Variants in GRM7 observed in about 807,000 individuals in gnomAD.
GRM7 encodes metabotropic glutamate receptor 7.
In GRM7, 35 loss-of-function variants were observed where a neutral mutation model predicts 84.5. The ratio of observed to expected loss-of-function variants is 0.41; its 90% CI spans 0.32 to 0.55. The LOEUF is 0.55. Ranked by LOEUF, GRM7 falls within the 20% of genes least tolerant of loss-of-function variation. The pLI is 0.19. For missense variants in GRM7, 1,003 were observed against 1,194.6 expected, an observed-to-expected ratio of 0.84 and a Z score of 2.36; for synonymous variants, 487 against 455.1, an observed-to-expected ratio of 1.07 and a Z score of -0.89.
At chr3:7,628,551 T>C (rs1697724823) in intron 8 of GRM7, among the ~76,000 whole-genome samples, 1 of 152,200 alleles carries the variant, frequency 6.6e-6, no homozygotes, top group Non-Finnish European at 1.5e-5. Context: ...GCCAACATCA[T>C]CACTTATCTT....
At chr3:7,047,503 G>T (rs1257482287) in intron 1 of GRM7, among the ~76,000 whole-genome samples, 1 of 152,008 alleles carries the variant, frequency 6.6e-6, no homozygotes, top group African/African-American at 2.4e-5. Flanking sequence ...GAAGTGTCTT[G>T]CCCCAGGCCA....
chr3:7,424,458 C>T (rs1031480115), intron 5 of GRM7, among the ~76,000 whole-genome samples: 3 of 152,152 alleles, frequency 2.0e-5, no homozygotes, highest in East Asian at 1.9e-4. Context: ...TATGTGTTTA[C>T]GTTATTCTAG....
chr3:7,740,266 C>A, intron 9 of GRM7, 91 bp from the exon 10 acceptor site: 2 of 820,596 alleles, frequency 2.4e-6, no homozygotes, highest in Admixed American at 2.3e-5. Context: ...CTCACTTTGA[C>A]TTTGCACCTC....
rs138883595 is a variant in GRM7, at chr3:7,288,438, A to G, written c.737-10246A>G. Among the ~76,000 whole-genome samples the G allele has an allele frequency of 4.0e-3, 613 of 152,250 alleles. 5 individuals carry two copies. Among genetic ancestry groups the G allele is most frequent in the African/African-American group, 0.014 (576 of 41,558 alleles). ...CATATCAGAATTTATAAGAACTGGT[A>G]GGAACCTAGCTCTAGATGAGGGTCA... On this transcript the variant is annotated intron_variant, in intron 2 of 9. Transcript: ENST00000357716.
rs73810808 is a variant in GRM7, at chr3:7,631,940, G to A, written c.2452-48109G>A. On this transcript the variant is annotated intron_variant, in intron 8 of 9. Transcript: ENST00000357716. ...AAAATAGGTGAGAGAGAGTCAGAGA[G>A]TGGAACTAATATACGTTAGGTGGTT... is the stretch of plus-strand genomic sequence containing the variant. Among the ~76,000 whole-genome samples, 701 of 152,318 alleles carry A rather than the reference G, an allele frequency of 4.6e-3. 4 individuals carry two copies. Among genetic ancestry groups the A allele is most frequent in the African/African-American group, 0.016 (646 of 41,564 alleles).
At chr3:7,314,494 C>A (rs988067800) in intron 4 of GRM7, among the ~76,000 whole-genome samples, 8 of 152,034 alleles carry the variant, frequency 5.3e-5, no homozygotes, top group African/African-American at 1.9e-4. Context: ...CTGGTGACCA[C>A]AAAACAGAGA....
intron 1 of GRM7, among the ~76,000 whole-genome samples, chr3:7,084,075 G>A (rs1316979937): frequency 6.6e-6 from 1 of 152,102 alleles, no homozygotes; most frequent in Non-Finnish European, 1.5e-5. Flanking sequence ...GAACCGTAGG[G>A]GCAGGGGGCA....
rs550179367 is a variant in GRM7, at chr3:7,420,497, CT to C, written c.1174+5337del. 3.5e-3 allele frequency among the ~76,000 whole-genome samples: 535 copies of C among 152,168 alleles called. 9 individuals carry two copies. Among genetic ancestry groups the C allele is most frequent in the Non-Finnish European group, 4.4e-4 (30 of 67,988 alleles). On this transcript the variant is annotated intron_variant, in intron 5 of 9. Transcript: ENST00000357716. ...TCAAATGCATTTTTACACCTTTGTG[CT>C]TTCTTAAACAGAGGCTTGCCACAGA...
chr3:6,951,139 T>C (rs1692740947), intron 1 of GRM7, among the ~76,000 whole-genome samples: 1 of 152,212 alleles, frequency 6.6e-6, no homozygotes. Flanking sequence ...TCGCTCACAC[T>C]GGAAGCTGTA....
At chr3:6,884,665 T>A (rs968876381) in intron 1 of GRM7, among the ~76,000 whole-genome samples, 1 of 152,074 alleles carries the variant, frequency 6.6e-6, no homozygotes, top group Non-Finnish European at 1.5e-5. Context: ...AGTATCATGA[T>A]CTCAGCTCAC....
intron 8 of GRM7, among the ~76,000 whole-genome samples, chr3:7,627,449 A>G (rs1029339197): frequency 9.9e-5 from 15 of 152,178 alleles, no homozygotes; most frequent in Non-Finnish European, 1.5e-5. Flanking sequence ...AAATAGTAAC[A>G]TTTCATATTC....
At chr3:7,118,302 G>T (rs1277643296) in intron 1 of GRM7, among the ~76,000 whole-genome samples, 3 of 151,760 alleles carry the variant, frequency 2.0e-5, no homozygotes, top group Non-Finnish European at 4.4e-5. Context: ...GAGGTAGGAA[G>T]ATCCTTTTGC....
intron 2 of GRM7, among the ~76,000 whole-genome samples, chr3:7,178,393 T>C (rs1461042641): frequency 6.6e-6 from 1 of 152,192 alleles, no homozygotes; most frequent in African/African-American, 2.4e-5. Flanking sequence ...TTTTCCACTT[T>C]GTATTATAAA....
At chr3:7,418,331 G>A (rs1013560048) in intron 5 of GRM7, among the ~76,000 whole-genome samples, 1 of 152,140 alleles carries the variant, frequency 6.6e-6, no homozygotes, top group African/African-American at 2.4e-5. Flanking sequence ...GATATATTGG[G>A]TGTAATCACT....
At chr3:7,114,238 G>A (rs895940316) in intron 1 of GRM7, among the ~76,000 whole-genome samples, 1 of 152,100 alleles carries the variant, frequency 6.6e-6, no homozygotes, top group African/African-American at 2.4e-5. Context: ...TTGCTGTCAG[G>A]CTACTTAACA....
intron 2 of GRM7, among the ~76,000 whole-genome samples, chr3:7,159,028 T>C (rs1694540994): frequency 2.0e-5 from 3 of 152,204 alleles, no homozygotes. Flanking sequence ...GTAATTATGT[T>C]TTAAAATTGA....
chr3:6,986,269 T>C (rs544941296), intron 1 of GRM7, among the ~76,000 whole-genome samples: 3 of 152,304 alleles, frequency 2.0e-5, no homozygotes, highest in East Asian at 3.9e-4. Flanking sequence ...TTGGGGGTGA[T>C]AGACATGTTT....
At chr3:7,163,127 T>C (rs1337232978) in intron 2 of GRM7, among the ~76,000 whole-genome samples, 5 of 152,266 alleles carry the variant, frequency 3.3e-5, no homozygotes, top group African/African-American at 1.2e-4. Flanking sequence ...AGTCTTCTGT[T>C]GCTCTGGACT....
intron 3 of GRM7, among the ~76,000 whole-genome samples, chr3:7,305,265 C>T (rs1164922793): frequency 2.0e-5 from 3 of 151,668 alleles, no homozygotes; most frequent in Admixed American, 6.6e-5. Context: ...TTTTTGTTAC[C>T]ATCTCTTATC....
Sources: gnomAD v4.1 joint callset for allele counts (sites outside exome capture counted in the v4.1 genomes callset) on GRCh38, gnomAD v4.1.1 for gene constraint, MANE v1.5 for transcripts, NCBI Gene and HGNC (gene_info 2026-07-23, HGNC 2026-07-21) for gene names.